Variants in GALK2 observed in about 807,000 individuals in gnomAD.
GALK2 encodes N-acetylgalactosamine kinase.
A neutral mutation model predicts 52.4 loss-of-function variants in GALK2; 36 were observed. The ratio of observed to expected loss-of-function variants is 0.69; its 90% confidence interval spans 0.53 to 0.91. GALK2 has a LOEUF of 0.91. Ranked by LOEUF, GALK2 falls within the 40% of genes least tolerant of loss-of-function variation. The pLI is 0.00. For missense variants in GALK2, 579 were observed against 559.1 expected, an observed-to-expected ratio of 1.04 and a Z score of -0.36; for synonymous variants, 176 against 199.1, an observed-to-expected ratio of 0.88 and a Z score of 0.98.
chr15:49,180,782 C>A (rs2085897365), intron 1 of GALK2, among the ~76,000 whole-genome samples: 1 of 152,168 alleles, frequency 6.6e-6, no homozygotes, highest in South Asian at 2.1e-4. Context: ...CTTCACCGTA[C>A]CCCACCTGTC....
At chr15:49,200,714 A>C (rs967069986) in intron 1 of GALK2, among the ~76,000 whole-genome samples, 2 of 152,136 alleles carry the variant, frequency 1.3e-5, no homozygotes, top group Non-Finnish European at 2.9e-5. Context: ...TGTGATTATA[A>C]ATCTCTGTTG....
intron 1 of GALK2, among the ~76,000 whole-genome samples, chr15:49,200,660 A>G (rs1009488863): frequency 6.6e-6 from 1 of 152,230 alleles, no homozygotes; most frequent in African/African-American, 2.4e-5. Context: ...TACAGCTTTC[A>G]GAGGTACTAC....
rs934782193 is a variant in GALK2 at position 49,281,912 on chromosome 15, T to A, written c.505-75T>A. The A allele has an allele frequency of 5.7e-6, 6 of 1,059,158 alleles. No individual in the cohort carries two copies. In the African/African-American group the frequency reaches 9.4e-5, roughly 17 times the overall value. The allele number at this position is 1,059,158 out of a possible 1,614,324, so 65.6% of individuals were successfully genotyped here. A position where few individuals can be genotyped will look rare whatever the true frequency, so the allele number is the denominator to read the frequency against. On this transcript the variant is annotated intron_variant, in intron 5 of 9. Coordinates refer to ENST00000560031, the MANE Select transcript of GALK2 (RefSeq NM_002044.4). ...TGGTGCTGGAATTCAAACCTGTTTGTCATGCCTGTAGTAAGAAATGAATGA... is the reference window on the plus strand; with the variant it reads ...TGGTGCTGGAATTCAAACCTGTTTGACATGCCTGTAGTAAGAAATGAATGA...
chr15:49,367,732 T>A, exon 4 of GALK2: 2 of 920,414 alleles, frequency 2.2e-6, no homozygotes, highest in Non-Finnish European at 1.5e-6. Flanking sequence ...AAGGAAATTC[T>A]ACAAAGCATC....
In GALK2 at chr15:49,331,300, A is replaced by AAG. The variant is rs1439682099; in HGVS notation, c.*3145_*3146dup. ...AATGCCCATAAGTAAAGAGAAGCAA[A>AAG]AGAGAAGATGACAAGGAAAATCAGA... is the stretch of plus-strand genomic sequence containing the variant. On this transcript the variant is annotated 3_prime_UTR_variant, in exon 10 of 10. Transcript: ENST00000560031. 1 of 154,642 alleles carries AAG rather than the reference A, an allele frequency of 6.5e-6. No individual in the cohort carries two copies. The highest frequency in any genetic ancestry group is 2.4e-5 in the African/African-American group (1 of 41,462). The allele number at this position is 154,642 out of a possible 1,614,324, so 9.6% of individuals were successfully genotyped here.
intron 2 of GALK2, among the ~76,000 whole-genome samples, chr15:49,216,965 C>T (rs2089426734): frequency 6.6e-6 from 1 of 152,122 alleles, no homozygotes; most frequent in Non-Finnish European, 1.5e-5. Context: ...AGGTACTCAC[C>T]TGAATTTTCT....
chr15:49,190,319 G>A (rs923304165), intron 1 of GALK2, among the ~76,000 whole-genome samples: 15 of 151,980 alleles, frequency 9.9e-5, no homozygotes, highest in South Asian at 4.1e-4. Flanking sequence ...CGCAAATTGC[G>A]TCTGGTGGAA....
rs189635907 is a variant in GALK2, at chr15:49,360,813, C to A, written c.427-6678C>A. 2.0e-5 allele frequency among the ~76,000 whole-genome samples: 3 copies of A among 152,242 alleles called. No homozygotes were observed. In the East Asian group the frequency reaches 5.8e-4, roughly 29 times the overall value. The stretch of plus-strand genomic sequence containing the variant: ...ATTAACTAGTAAACAAGTTTATCAT[C>A]CTTATAAATAAATATACATTTAAAA... On this transcript the variant is annotated intron_variant, in intron 3 of 3. Transcript: ENST00000558399.
chr15:49,261,622 GA>G (rs1234412989), intron 5 of GALK2, among the ~76,000 whole-genome samples: 4 of 151,182 alleles, frequency 2.6e-5, no homozygotes, highest in African/African-American at 9.7e-5. Context: ...GGAGTGGTGA[GA>G]GAGGGCATCC....
intron 8 of GALK2, among the ~76,000 whole-genome samples, chr15:49,296,224 A>G (rs1232304333): frequency 6.6e-6 from 1 of 152,202 alleles, no homozygotes; most frequent in Non-Finnish European, 1.5e-5. Flanking sequence ...TTTATCACCC[A>G]GGTAGTGAGC....
At chr15:49,271,136 G>A (rs1200742749) in intron 5 of GALK2, among the ~76,000 whole-genome samples, 1 of 152,158 alleles carries the variant, frequency 6.6e-6, no homozygotes, top group Non-Finnish European at 1.5e-5. Flanking sequence ...GCCAAAATAA[G>A]TATTCTGCCA....
chr15:49,219,597 C>T (rs1368825331), intron 3 of GALK2, among the ~76,000 whole-genome samples: 3 of 152,082 alleles, frequency 2.0e-5, no homozygotes, highest in Non-Finnish European at 4.4e-5. Flanking sequence ...TCTCTTGAGC[C>T]TGGGAGTTCG....
intron 3 of GALK2, among the ~76,000 whole-genome samples, chr15:49,349,593 G>A (rs1199293217): frequency 6.6e-6 from 1 of 152,092 alleles, no homozygotes. Context: ...TCAAGTAGGG[G>A]AGTTATTAGG....
chr15:49,195,473 G>A (rs560372960), intron 1 of GALK2, among the ~76,000 whole-genome samples: 2 of 152,214 alleles, frequency 1.3e-5, no homozygotes, highest in African/African-American at 4.8e-5. Flanking sequence ...GTGTTTTTTG[G>A]TGCTAACATT....
intron 5 of GALK2, among the ~76,000 whole-genome samples, chr15:49,250,937 G>A (rs1027826386): frequency 2.6e-5 from 4 of 152,132 alleles, no homozygotes; most frequent in African/African-American, 9.7e-5. Context: ...TTGGGCCTTA[G>A]AAGTTTATAA....
chr15:49,350,575 T>C (rs551620242), intron 3 of GALK2, among the ~76,000 whole-genome samples: 1 of 152,296 alleles, frequency 6.6e-6, no homozygotes, highest in African/African-American at 2.4e-5. Context: ...TATGGGCTAG[T>C]TCCACAAAAC....
At chr15:49,365,176 A>G (rs944900576) in intron 3 of GALK2, 3 of 772,958 alleles carry the variant, frequency 3.9e-6, no homozygotes, top group Admixed American at 3.8e-5. Context: ...CGTTTTTTGC[A>G]TAATACAGAT....
chr15:49,237,710 C>T (rs984702820), intron 4 of GALK2, among the ~76,000 whole-genome samples: 5 of 152,042 alleles, frequency 3.3e-5, no homozygotes, highest in South Asian at 2.1e-4. Context: ...CTCCTGACTT[C>T]GTGACCCACC....
At chr15:49,258,641 G>A (rs554516508) in intron 5 of GALK2, among the ~76,000 whole-genome samples, 1 of 152,118 alleles carries the variant, frequency 6.6e-6, no homozygotes, top group East Asian at 1.9e-4. Context: ...GTCCCAGGAG[G>A]CCAGGAAAAG....
Sources: gnomAD v4.1 joint callset for allele counts (sites outside exome capture counted in the v4.1 genomes callset) on GRCh38, gnomAD v4.1.1 for gene constraint, MANE v1.5 for transcripts, NCBI Gene and HGNC (gene_info 2026-07-23, HGNC 2026-07-21) for gene names.